MCUB: variants seen among roughly 807,000 people sequenced by gnomAD.
MCUB encodes the protein calcium uniporter regulatory subunit MCUb, mitochondrial.
Under a neutral mutation model 41.4 loss-of-function variants are expected in MCUB, and 46 were observed. The ratio of observed to expected loss-of-function variants is 1.11; its 90% CI spans 0.88 to 1.42. The LOEUF (loss-of-function observed/expected upper bound fraction) is 1.42. MCUB is among the 40% of genes most tolerant of loss of function. MCUB has a pLI of 0.00. For synonymous variants in MCUB, 148 were observed against 148.2 expected (o/e 1.00, Z 0.01); for missense variants, 403 against 404.9 (o/e 1.00, Z 0.04).
intron 1 of MCUB, among the ~76,000 whole-genome samples, chr4:109,656,881 C>T (rs1729115857): frequency 6.6e-6 from 1 of 152,138 alleles, no homozygotes; most frequent in Non-Finnish European, 1.5e-5. Context: ...TTTAAGACAT[C>T]ATCTGCCTTT....
intron 1 of MCUB, among the ~76,000 whole-genome samples, chr4:109,625,378 G>A (rs1728339694): frequency 1.3e-5 from 2 of 152,118 alleles, no homozygotes; most frequent in Admixed American, 1.3e-4. Context: ...ACCTGTGTAT[G>A]TTACTTAATT....
At chr4:109,655,841 C>A (rs779464873) in intron 1 of MCUB, among the ~76,000 whole-genome samples, 1 of 152,036 alleles carries the variant, frequency 6.6e-6, no homozygotes, top group Non-Finnish European at 1.5e-5. Context: ...CTTCAGTTTA[C>A]CTCTGGAGCT....
chr4:109,589,260 T>C (rs1383679146), intron 1 of MCUB, among the ~76,000 whole-genome samples: 5 of 152,180 alleles, frequency 3.3e-5, no homozygotes, highest in African/African-American at 1.2e-4. Context: ...AGGGTGGATG[T>C]TCCCAGAGAA....
intron 4 of MCUB, among the ~76,000 whole-genome samples, chr4:109,677,587 C>G (rs1019614894): frequency 1.3e-5 from 2 of 152,096 alleles, no homozygotes; most frequent in Admixed American, 6.5e-5. Flanking sequence ...TGAGGACCAA[C>G]GTGAGTGGAT....
intron 4 of MCUB, among the ~76,000 whole-genome samples, chr4:109,671,879 G>A (rs1729466345): frequency 6.6e-6 from 1 of 152,122 alleles, no homozygotes; most frequent in African/African-American, 2.4e-5. Context: ...GTGGCTAGGA[G>A]TTAGATGTTT....
In MCUB at chr4:109,687,559, A is replaced by G; in HGVS notation, c.978A>G (p.Gln326=). ...LKQARHSLCL[Q]MQVEELNEKN ...AGGCGCGTCATTCTCTCTGTTTGCAAATGCAAGTAGAAGAACTCAATGAAA... is the reference window on the plus strand; with the variant it reads ...AGGCGCGTCATTCTCTCTGTTTGCAGATGCAAGTAGAAGAACTCAATGAAA... Residue 326 remains glutamine, a synonymous_variant, in exon 8 of 8, where the codon CAA becomes CAG. Coordinates refer to ENST00000394650, the MANE Select transcript of MCUB (RefSeq NM_017918.5). 1 of 1,612,292 alleles carries G rather than the reference A, an allele frequency of 6.2e-7. No homozygotes were observed. Among genetic ancestry groups the G allele is most frequent in the South Asian group, 1.1e-5 (1 of 90,936 alleles).
intron 1 of MCUB, among the ~76,000 whole-genome samples, chr4:109,566,902 A>C (rs1391546497): frequency 6.6e-6 from 1 of 152,160 alleles, no homozygotes; most frequent in Admixed American, 6.6e-5. Flanking sequence ...TAGATTAATC[A>C]ATATTTAAGA....
chr4:109,600,708 A>G (rs185415025), intron 1 of MCUB, among the ~76,000 whole-genome samples: 15 of 152,314 alleles, frequency 9.8e-5, no homozygotes, highest in Admixed American at 6.5e-5. Context: ...CTTTGAGAAC[A>G]AGATTTAGTT....
intron 1 of MCUB, among the ~76,000 whole-genome samples, chr4:109,578,042 T>C (rs1727074819): frequency 6.6e-6 from 1 of 152,216 alleles, no homozygotes; most frequent in Non-Finnish European, 1.5e-5. Flanking sequence ...TAGTCAGATG[T>C]CAAATATGAC....
chr4:109,661,260 A>G (rs1467280109), intron 3 of MCUB, among the ~76,000 whole-genome samples: 3 of 152,210 alleles, frequency 2.0e-5, no homozygotes, highest in Non-Finnish European at 4.4e-5. Flanking sequence ...TATTTACCCT[A>G]TCCCACTACA....
At position 109,560,269 on chromosome 4, in the gene MCUB, G is replaced by C. The variant is rs1726586814; in HGVS notation, c.-69G>C. ...CCACAGCTCGGAGCCACCAGGCGCT[G>C]ACGAGGAGCCCGGCTGAGGGAGGAT... On this transcript the variant is annotated 5_prime_UTR_variant, in exon 1 of 8. Transcript: ENST00000394650. The C allele has an allele frequency of 1.2e-6, 1 of 800,048 alleles. No homozygotes were observed. 49.6% of individuals were successfully genotyped at this position (800,048 alleles called of 1,614,324 possible). A position where few individuals can be genotyped will look rare whatever the true frequency, so the allele number is the denominator to read the frequency against.
intron 1 of MCUB, among the ~76,000 whole-genome samples, chr4:109,574,611 A>C (rs73838817): frequency 0.012 from 1,814 of 152,324 alleles, 32 homozygotes; most frequent in African/African-American, 0.041. Context: ...AAAAATATTT[A>C]AAGGTCCCAG....
intron 1 of MCUB, among the ~76,000 whole-genome samples, chr4:109,623,617 G>A (rs1728301438): frequency 6.6e-6 from 1 of 152,196 alleles, no homozygotes; most frequent in Non-Finnish European, 1.5e-5. Flanking sequence ...TTCAGACTGT[G>A]TATTGCTGCT....
chr4:109,601,480 A>G (rs559694168), intron 1 of MCUB, among the ~76,000 whole-genome samples: 1 of 152,272 alleles, frequency 6.6e-6, no homozygotes, highest in South Asian at 2.1e-4. Flanking sequence ...TCCCACGAAT[A>G]TGATAACATG....
At chr4:109,640,186 G>A (rs1728683767) in intron 1 of MCUB, among the ~76,000 whole-genome samples, 1 of 152,224 alleles carries the variant, frequency 6.6e-6, no homozygotes, top group Non-Finnish European at 1.5e-5. Flanking sequence ...ATATCTCAAA[G>A]TGCATTATCG....
At chr4:109,636,107 AC>A (rs1280164097) in intron 1 of MCUB, among the ~76,000 whole-genome samples, 2 of 152,140 alleles carry the variant, frequency 1.3e-5, no homozygotes, top group African/African-American at 4.8e-5. Context: ...TATCTAACTG[AC>A]CCAGCTTGGA....
intron 1 of MCUB, among the ~76,000 whole-genome samples, chr4:109,649,465 T>A (rs1011716207): frequency 6.6e-6 from 1 of 152,168 alleles, no homozygotes; most frequent in Non-Finnish European, 1.5e-5. Flanking sequence ...TCAGTAAACA[T>A]GTTTTAGTCG....
intron 1 of MCUB, among the ~76,000 whole-genome samples, chr4:109,615,655 C>T (rs189615753): frequency 6.6e-6 from 1 of 152,100 alleles, no homozygotes; most frequent in East Asian, 1.9e-4. Flanking sequence ...GTGATCCGCC[C>T]GCCTCGGCCT....
At chr4:109,606,962 G>T (rs1275468911) in intron 1 of MCUB, among the ~76,000 whole-genome samples, 3 of 151,582 alleles carry the variant, frequency 2.0e-5, no homozygotes, top group Admixed American at 6.6e-5. Context: ...GGCCAGGTTG[G>T]TCTCCAACTC....
Sources: gnomAD v4.1 joint callset for allele counts (sites outside exome capture counted in the v4.1 genomes callset) on GRCh38, gnomAD v4.1.1 for gene constraint, MANE v1.5 for transcripts, NCBI Gene and HGNC (gene_info 2026-07-23, HGNC 2026-07-21) for gene names.